Variants in UBN2 observed in about 807,000 individuals in gnomAD.
The protein encoded by UBN2 is ubinuclein 2, also known as ubinuclein-2.
Under a neutral mutation model 120.2 loss-of-function variants are expected in UBN2, and 35 were observed. The ratio of observed to expected loss-of-function variants is 0.29; its 90% CI spans 0.22 to 0.39. The LOEUF is 0.39. UBN2 is among the 10% of genes least tolerant of loss of function. UBN2 has a pLI of 1.00. For synonymous variants in UBN2, 661 were observed against 648.7 expected (o/e 1.02, Z -0.29); for missense variants, 1,693 against 1,663.2 (o/e 1.02, Z -0.31).
intron 2 of UBN2, among the ~76,000 whole-genome samples, chr7:139,247,249 A>G (rs1264476347): frequency 6.6e-6 from 1 of 152,176 alleles, no homozygotes; most frequent in East Asian, 1.9e-4. Flanking sequence ...CAATTGCTCC[A>G]TGTCCATGTT....
downstream of UBN2, among the ~76,000 whole-genome samples, chr7:139,312,969 A>G (rs184941699): frequency 1.2e-3 from 176 of 152,034 alleles, no homozygotes; most frequent in Admixed American, 1.8e-3. Context: ...GGAAAGATCT[A>G]TTTTTGGGCT....
At chr7:139,294,266 A>T (rs904330019) in intron 17 of UBN2, among the ~76,000 whole-genome samples, 28 of 152,220 alleles carry the variant, frequency 1.8e-4, no homozygotes, top group African/African-American at 5.8e-4. Context: ...TACAGTAATG[A>T]TAGTAGTTTA....
chr7:139,240,454 A>T (rs10248435), intron 2 of UBN2, among the ~76,000 whole-genome samples: 25,927 of 122,974 alleles, frequency 0.21, 2,848 homozygotes, highest in South Asian at 0.32. Flanking sequence ...ATATATATAT[A>T]TTTTTTTTTT....
At chr7:139,266,018 C>T (rs1038991196) in intron 6 of UBN2, among the ~76,000 whole-genome samples, 3 of 151,608 alleles carry the variant, frequency 2.0e-5, no homozygotes, top group African/African-American at 7.2e-5. Flanking sequence ...CTTTGCCTCT[C>T]TGTTCATCAC....
chr7:139,275,010 G>A (rs1386376340), intron 11 of UBN2, among the ~76,000 whole-genome samples: 2 of 152,030 alleles, frequency 1.3e-5, no homozygotes, highest in African/African-American at 4.8e-5. Context: ...CGTTGCGGTG[G>A]CTCACACCTG....
chr7:139,290,957 A>C (rs1020973672), intron 15 of UBN2, among the ~76,000 whole-genome samples: 30 of 152,228 alleles, frequency 2.0e-4, no homozygotes, highest in Admixed American at 1.2e-3. Flanking sequence ...AGATTTTTAA[A>C]ATAATCAGTC....
chr7:139,232,402 T>C (rs1219571302), intron 1 of UBN2, among the ~76,000 whole-genome samples: 1 of 152,208 alleles, frequency 6.6e-6, no homozygotes. Context: ...GTAACCCCTC[T>C]CGTATCATCC....
At chr7:139,312,221 C>T (rs1365781751), downstream of UBN2, among the ~76,000 whole-genome samples, 1 of 152,178 alleles carries the variant, frequency 6.6e-6, no homozygotes, top group Non-Finnish European at 1.5e-5. Context: ...TTGATATGTG[C>T]CCCTTGTTTC....
intron 17 of UBN2, among the ~76,000 whole-genome samples, chr7:139,297,222 T>C (rs1338401810): frequency 6.6e-6 from 1 of 151,410 alleles, no homozygotes; most frequent in Non-Finnish European, 1.5e-5. Context: ...GGAAAGAGCC[T>C]TGTCCCAGTA....
chr7:139,325,016 C>T, the UBN2 span, among the ~76,000 whole-genome samples: 1 of 151,954 alleles, frequency 6.6e-6, no homozygotes, highest in Non-Finnish European at 1.5e-5. Flanking sequence ...TACTGAATTA[C>T]GTGTTGTCAA....
At chr7:139,279,648 T>C (rs907984108) in intron 13 of UBN2, among the ~76,000 whole-genome samples, 13 of 152,172 alleles carry the variant, frequency 8.5e-5, no homozygotes, top group African/African-American at 3.1e-4. Context: ...TTGAAAAATA[T>C]GTAAGAAAAA....
chr7:139,283,229 C>T lies in UBN2; in HGVS notation c.2324C>T (p.Ala775Val), dbSNP rs370671806. The T allele has an allele frequency of 9.9e-6, 16 of 1,613,078 alleles. No homozygotes were observed. In the East Asian group the frequency reaches 1.6e-4, roughly 16 times the overall value. Residue 775 changes from alanine (A) to valine (V), a missense_variant, in exon 15 of 18, where the codon GCG (alanine) becomes GTG (valine). Ala to Val is a moderately conservative substitution (Grantham distance 64). Around this residue, in one of 5 missense-constraint regions of UBN2, gnomAD observed 837 missense variants for 817.6 expected, o/e 1.02. Coordinates refer to ENST00000473989, the MANE Select transcript of UBN2 (RefSeq NM_173569.4). Reference sequence around the variant, plus strand: ...CTGGATCTTGTTTCTGAAGCTTTAGCGGTTATCAACAATGGGAACAAGGGC... The same window carrying T: ...CTGGATCTTGTTTCTGAAGCTTTAGTGGTTATCAACAATGGGAACAAGGGC... Reference protein sequence around the residue: ...PSLDLVSEALAVINNGNKGPP... With the variant: ...PSLDLVSEALVVINNGNKGPP...
At chr7:139,236,896 T>C (rs964873093) in intron 1 of UBN2, 109 bp from the exon 2 acceptor site, 10 of 541,120 alleles carry the variant, frequency 1.8e-5, no homozygotes, top group African/African-American at 1.5e-4. Flanking sequence ...ATCACATTTA[T>C]TGAAATAGAA....
chr7:139,324,999 C>T, the UBN2 span, among the ~76,000 whole-genome samples: 2 of 151,972 alleles, frequency 1.3e-5, no homozygotes, highest in East Asian at 1.9e-4. Flanking sequence ...TTCAGAACAA[C>T]GAAACATACT....
intron 17 of UBN2, 71 bp downstream of exon 17, chr7:139,294,052 AAAC>A: frequency 6.8e-7 from 1 of 1,476,618 alleles, no homozygotes; most frequent in Non-Finnish European, 9.4e-7. Flanking sequence ...ACTTTTCTGA[AAAC>A]AATGTGAATG....
intron 13 of UBN2, among the ~76,000 whole-genome samples, chr7:139,281,330 A>G (rs903005527): frequency 6.6e-6 from 1 of 152,166 alleles, no homozygotes; most frequent in Non-Finnish European, 1.5e-5. Context: ...AGTTATAAAG[A>G]TAAGATAAGG....
chr7:139,326,298 G>A, the UBN2 span, among the ~76,000 whole-genome samples: 3 of 151,752 alleles, frequency 2.0e-5, no homozygotes, highest in Admixed American at 1.3e-4. Flanking sequence ...CAAAAAATGG[G>A]CATTGCCCCA....
rs778971167 is a variant in UBN2, at chr7:139,231,478, A to C, written c.-7A>C. ...TCGAGCAAAAGCGGAGGGCCAGAAC[A>C]GTGGGGATGGCGGAGCCGCGCAGAG... On this transcript the variant is annotated 5_prime_UTR_variant, in exon 1 of 18. Coordinates refer to ENST00000473989, the MANE Select transcript of UBN2 (RefSeq NM_173569.4). The C allele has an allele frequency of 1.5e-6, 2 of 1,362,708 alleles. No homozygotes were observed. The highest frequency in any genetic ancestry group is 3.3e-5 in the Admixed American group (1 of 30,236). The allele number at this position is 1,362,708 out of a possible 1,614,324, so 84.4% of individuals were successfully genotyped here.
intron 7 of UBN2, among the ~76,000 whole-genome samples, chr7:139,267,805 C>T (rs548469881): frequency 2.6e-5 from 4 of 152,238 alleles, no homozygotes; most frequent in African/African-American, 9.6e-5. Context: ...ATTTCTGTTC[C>T]TAGTTACTTT....
Sources: allele counts gnomAD v4.1 joint callset (sites outside exome capture counted in the v4.1 genomes callset), GRCh38; gene constraint gnomAD v4.1.1; regional missense constraint gnomAD v4.1.1; transcripts MANE v1.5; gene names NCBI Gene and HGNC (gene_info 2026-07-23, HGNC 2026-07-21).